Variants in RRP12 observed in about 807,000 individuals in gnomAD.
The protein encoded by RRP12 is ribosomal RNA processing 12 homolog.
In RRP12, 78 loss-of-function variants were observed where a neutral mutation model predicts 157.3. The ratio of observed to expected loss-of-function variants is 0.50; its 90% confidence interval spans 0.41 to 0.60. RRP12 has a LOEUF of 0.60. RRP12 is among the 20% of genes least tolerant of loss of function. The pLI is 0.00. For synonymous variants in RRP12, 726 were observed against 670.9 expected (o/e 1.08, Z -1.27); for missense variants, 1,521 against 1,679.9 (o/e 0.91, Z 1.65).
chr10:97,398,039 A>ATATTTTTTTTTTTTTTTTTT (rs1436494245), intron 2 of RRP12, among the ~76,000 whole-genome samples: 1 of 56,028 alleles, frequency 1.8e-5, no homozygotes, highest in African/African-American at 8.7e-5. Flanking sequence ...ATATATACGT[A>ATATTTTTTTTTTTTTTTTTT]TTTTTTTTTT....
Position 97,357,123 on chromosome 10 carries a change from T to C in RRP12, c.3865A>G (p.Lys1289Glu), listed in dbSNP as rs1459262141. 1.2e-6 allele frequency: 2 copies of C among 1,613,330 alleles called. No individual in the cohort carries two copies. Among genetic ancestry groups the C allele is most frequent in the Non-Finnish European group, 1.7e-6 (2 of 1,179,406 alleles). The change falls in exon 34 of 34, where the codon AAA becomes GAA. Residue 1289 changes from lysine to glutamate, a missense_variant. By Grantham distance (56) the Lys-to-Glu change is moderately conservative (BLOSUM62 1). Coordinates refer to ENST00000370992, the MANE Select transcript of RRP12 (RefSeq NM_015179.4). ...AARRGSQVGH[K>E]NRRKDRRP is the part of the protein sequence containing the mutation. ...GGTCGACGATCCTTTCTGCGGTTTTTGTGTCCCACCTGGGAACCTCGCCGG... is the reference window on the plus strand; with the variant it reads ...GGTCGACGATCCTTTCTGCGGTTTTCGTGTCCCACCTGGGAACCTCGCCGG...
At chr10:97,359,564 G>A (rs1589407456) in intron 31 of RRP12, among the ~76,000 whole-genome samples, 2 of 152,338 alleles carry the variant, frequency 1.3e-5, no homozygotes, top group East Asian at 3.9e-4. Context: ...CTCCAGCCTG[G>A]ACTTCAACAT....
At chr10:97,369,232 A>G (rs527532557) in intron 25 of RRP12, among the ~76,000 whole-genome samples, 193 bp downstream of exon 25, 7 of 152,356 alleles carry the variant, frequency 4.6e-5, no homozygotes, top group African/African-American at 1.7e-4. Flanking sequence ...GGGTGAAGAA[A>G]GCCACCTGGG....
At chr10:97,375,139 G>A (rs763255389) in intron 15 of RRP12, among the ~76,000 whole-genome samples, 2 of 151,546 alleles carry the variant, frequency 1.3e-5, no homozygotes, top group Admixed American at 6.6e-5. Flanking sequence ...AAATATTTTT[G>A]TAGAGACGGA....
intron 8 of RRP12, 124 bp downstream of exon 8, chr10:97,388,128 G>A: frequency 1.6e-6 from 2 of 1,273,162 alleles, no homozygotes; most frequent in Non-Finnish European, 2.2e-6. Flanking sequence ...TAGTGCTGTT[G>A]GTTTTAGCTT....
At chr10:97,378,742 A>G (rs1237056246) in intron 15 of RRP12, among the ~76,000 whole-genome samples, 1 of 152,144 alleles carries the variant, frequency 6.6e-6, no homozygotes, top group East Asian at 1.9e-4. Context: ...CTGGAGTCCC[A>G]GCTACTCGGG....
At chr10:97,398,974 A>C (rs1472188245) in intron 2 of RRP12, among the ~76,000 whole-genome samples, 2 of 152,182 alleles carry the variant, frequency 1.3e-5, no homozygotes, top group Non-Finnish European at 2.9e-5. Context: ...AATAAAGTAC[A>C]TTATTAAGAT....
chr10:97,369,353 G>T (rs531719469), intron 25 of RRP12, 72 bp downstream of exon 25: 7 of 1,500,670 alleles, frequency 4.7e-6, no homozygotes, highest in Non-Finnish European at 5.5e-6. Context: ...TGCTGGCCTC[G>T]AAGCTTGCCA....
intron 2 of RRP12, among the ~76,000 whole-genome samples, chr10:97,398,459 T>C (rs1326897869): frequency 1.3e-5 from 2 of 149,990 alleles, no homozygotes; most frequent in Non-Finnish European, 3.0e-5. Context: ...GTTCAAGTGA[T>C]TCTCGTGCCT....
At chr10:97,390,402 C>A in intron 6 of RRP12, 21 bp downstream of exon 6, 1 of 1,583,240 alleles carries the variant, frequency 6.3e-7, no homozygotes, top group South Asian at 1.1e-5. Flanking sequence ...GCCCCATTTT[C>A]TAGGGAGCTA....
chr10:97,388,148 G>C, intron 8 of RRP12, 104 bp downstream of exon 8: 4 of 1,477,830 alleles, frequency 2.7e-6, no homozygotes, highest in Non-Finnish European at 3.7e-6. Flanking sequence ...TAAGAACACA[G>C]TCAGGGAGGG....
intron 29 of RRP12, among the ~76,000 whole-genome samples, chr10:97,364,153 G>A (rs1355983258): frequency 6.6e-6 from 1 of 152,148 alleles, no homozygotes; most frequent in Non-Finnish European, 1.5e-5. Flanking sequence ...CTTTTGAGGT[G>A]AATATGGCTT....
intron 24 of RRP12, among the ~76,000 whole-genome samples, chr10:97,369,867 G>A (rs1225997928): frequency 1.3e-5 from 2 of 152,246 alleles, no homozygotes; most frequent in Non-Finnish European, 2.9e-5. Flanking sequence ...GGCAGGACTA[G>A]GACTAAAATC....
In RRP12 at chr10:97,366,764, GCTCCTC is replaced by G. The variant is rs28362479; in HGVS notation, c.3187_3192del (p.Glu1063_Glu1064del). The G allele has an allele frequency of 1.5e-5, 24 of 1,603,318 alleles. No homozygotes were observed. Among genetic ancestry groups the G allele is most frequent in the African/African-American group, 8.1e-5 (6 of 73,974 alleles). ...CACCTGTCACCTTTGCCCTGGGCGG[GCTCCTC>G]CTCCTCCTCCTCCTCTTCTTCCTCC... is the stretch of plus-strand genomic sequence containing the variant. On this transcript the variant is annotated inframe_deletion, in exon 27 of 34. Transcript: ENST00000370992.
intron 31 of RRP12, among the ~76,000 whole-genome samples, chr10:97,360,324 T>C (rs1399605695): frequency 6.6e-6 from 1 of 151,972 alleles, no homozygotes; most frequent in Non-Finnish European, 1.5e-5. Context: ...AGGCTGGTGG[T>C]TCCATGCACA....
In RRP12 at chr10:97,367,191, A is replaced by G. The variant is rs1197574533; in HGVS notation, c.2956-59T>C. On this transcript the variant is annotated intron_variant, in intron 25 of 33. Transcript: ENST00000370992. ...GAGCCTTCCATGCTGCGCCCCCTTT[A>G]CTGCTGTCCAGCCCAGGGACGCAGC... 4 of 1,433,006 alleles carry G rather than the reference A, an allele frequency of 2.8e-6. No homozygotes were observed. The African/African-American group carries it at 4.2e-5, about 15-fold the overall frequency. The allele number at this position is 1,433,006 out of a possible 1,614,324, so 88.8% of individuals were successfully genotyped here.
In RRP12 at chr10:97,388,569, A is replaced by G. The variant is rs759180752; in HGVS notation, c.809T>C (p.Met270Thr). 10 of 1,614,128 alleles carry G rather than the reference A, an allele frequency of 6.2e-6. No individual in the cohort carries two copies. The East Asian group carries it at 2.2e-4, about 36-fold the overall frequency. Residue 270 changes from methionine to threonine, a missense_variant, in exon 7 of 34, where the codon ATG becomes ACG. Transcript: ENST00000370992. ...VCSVLKGSEF[M>T]FEKAPAHHPA... ...ATGATGGGCAGGGGCCTTTTCAAAC[A>G]TGAATTCACTGCCCTTGAGGACTGA...
chr10:97,398,637 A>G (rs576271916), intron 2 of RRP12, among the ~76,000 whole-genome samples: 17 of 151,962 alleles, frequency 1.1e-4, no homozygotes, highest in African/African-American at 3.6e-4. Context: ...GTAAGCCACT[A>G]TGTCCAGCCT....
rs1311543545 is a variant in RRP12 at position 97,400,318 on chromosome 10, G to A, written c.356C>T (p.Ala119Val). The A allele has an allele frequency of 4.3e-6, 7 of 1,613,890 alleles. No individual in the cohort carries two copies. Among genetic ancestry groups the A allele is most frequent in the Non-Finnish European group, 5.9e-6 (7 of 1,179,880 alleles). Residue 119 changes from alanine to valine, a missense_variant, in exon 2 of 34, where the codon GCT (alanine) becomes GTT (valine). By Grantham distance (64) the Ala-to-Val change is moderately conservative. Coordinates refer to ENST00000370992, the MANE Select transcript of RRP12 (RefSeq NM_015179.4). Reference protein sequence around the residue: ...KVQRFWESNSAAHKEICAVLA... With the variant: ...KVQRFWESNSVAHKEICAVLA... ...CCTCGCCCCTACCTCCTTGTGGGCA[G>A]CCGAGTTGGACTCCCAGAAGCGCTG...
Sources: allele counts gnomAD v4.1 joint callset (sites outside exome capture counted in the v4.1 genomes callset), GRCh38; gene constraint gnomAD v4.1.1; transcripts MANE v1.5; gene names NCBI Gene and HGNC (gene_info 2026-07-23, HGNC 2026-07-21).